The following C5orf63 variants were observed in gnomAD, a reference collection of about 807,000 sequenced individuals.
C5orf63 encodes chromosome 5 open reading frame 63.
C5orf63 carries 18 observed loss-of-function variants against 13.3 expected under a neutral mutation model. The ratio of observed to expected loss-of-function variants is 1.36; its 90% CI spans 0.94 to 2.01. The LOEUF (loss-of-function observed/expected upper bound fraction) is 2.01. Among genes scored for constraint, C5orf63 ranks in the 30% most tolerant of loss-of-function variants. The pLI is 0.00. For missense variants in C5orf63, 118 were observed against 127.7 expected (o/e 0.92, Z 0.36); for synonymous variants, 38 against 44.7 (o/e 0.85, Z 0.60).
At chr5:127,060,029 T>G (rs1476206825) in intron 2 of C5orf63, among the ~76,000 whole-genome samples, 1 of 151,938 alleles carries the variant, frequency 6.6e-6, no homozygotes, top group Non-Finnish European at 1.5e-5. Context: ...TCCCAGCTAC[T>G]CGGGAGGCTG....
chr5:127,049,606 C>G (rs1753607997), downstream of C5orf63, among the ~76,000 whole-genome samples: 1 of 152,180 alleles, frequency 6.6e-6, no homozygotes, highest in African/African-American at 2.4e-5. Context: ...AAGACAAGGA[C>G]TATGATTTAT....
chr5:127,051,451 A>C lies in C5orf63; in HGVS notation c.*320T>G. The C allele has an allele frequency of 8.1e-7, 1 of 1,233,018 alleles. No individual in the cohort carries two copies. The highest frequency in any genetic ancestry group is 1.0e-6 in the Non-Finnish European group (1 of 988,706). The allele number at this position is 1,233,018 out of a possible 1,614,324, so 76.4% of individuals were successfully genotyped here. On this transcript the variant is annotated 3_prime_UTR_variant, in exon 5 of 5. Coordinates refer to ENST00000296662, the MANE Select transcript of C5orf63 (RefSeq NM_001164478.2). ...CAGGAATGCAGAACCTTCTTCCTAT[A>C]AATGGCATTGCCCAGTGACTGTGAA...
chr5:127,046,017 A>C (rs1753513583), exon 5 of C5orf63: 1 of 152,188 alleles, frequency 6.6e-6, no homozygotes, highest in African/African-American at 2.4e-5. Flanking sequence ...AGTATTCTCC[A>C]TGGTTTGGGA....
downstream of C5orf63, among the ~76,000 whole-genome samples, chr5:127,048,176 A>T (rs564745848): frequency 1.3e-5 from 2 of 150,804 alleles, no homozygotes; most frequent in Admixed American, 6.6e-5. Flanking sequence ...TCCCCTTCTG[A>T]GGCCTGCCTG....
intron 3 of C5orf63, among the ~76,000 whole-genome samples, chr5:127,054,441 G>T (rs969652029): frequency 1.2e-4 from 18 of 152,300 alleles, no homozygotes; most frequent in Admixed American, 9.1e-4. Flanking sequence ...ACTGGTGTGA[G>T]ATGGTATCTC....
chr5:127,067,033 T>C (rs372385871), intron 2 of C5orf63, among the ~76,000 whole-genome samples: 1 of 152,196 alleles, frequency 6.6e-6, no homozygotes, highest in African/African-American at 2.4e-5. Flanking sequence ...ATGCATCTAA[T>C]GTTGCTTCAA....
intron 2 of C5orf63, 135 bp from the exon 3 acceptor site, chr5:127,059,137 A>C (rs1292265235): frequency 1.1e-5 from 7 of 641,572 alleles, no homozygotes; most frequent in Non-Finnish European, 1.9e-5. Context: ...AGTGTTGGAA[A>C]GACCTATAAA....
At chr5:127,059,321 G>A (rs1032249021) in intron 2 of C5orf63, among the ~76,000 whole-genome samples, 8 of 152,174 alleles carry the variant, frequency 5.3e-5, no homozygotes, top group Admixed American at 2.6e-4. Context: ...AGATTTTGCC[G>A]GCATCTTGAT....
intron 2 of C5orf63, among the ~76,000 whole-genome samples, chr5:127,069,651 A>G (rs1030040965): frequency 6.6e-6 from 1 of 152,232 alleles, no homozygotes; most frequent in Non-Finnish European, 1.5e-5. Context: ...TGATAACAGT[A>G]AGACCCAGGC....
intron 2 of C5orf63, among the ~76,000 whole-genome samples, chr5:127,067,323 T>C (rs534662988): frequency 6.6e-6 from 1 of 152,352 alleles, no homozygotes; most frequent in East Asian, 1.9e-4. Context: ...ATGATTCTAT[T>C]GACTGAAATG....
chr5:127,070,328 G>A (rs901633075), intron 2 of C5orf63, among the ~76,000 whole-genome samples: 1 of 152,042 alleles, frequency 6.6e-6, no homozygotes, highest in Non-Finnish European at 1.5e-5. Context: ...ATAATTCAAC[G>A]TCATGTCCTT....
chr5:127,049,086 G>A (rs1431329569), downstream of C5orf63, among the ~76,000 whole-genome samples: 1 of 152,134 alleles, frequency 6.6e-6, no homozygotes, highest in Non-Finnish European at 1.5e-5. Context: ...AGGGACTGTT[G>A]AGCTCAGCAT....
intron 2 of C5orf63, among the ~76,000 whole-genome samples, chr5:127,066,419 C>T (rs750955141): frequency 6.6e-5 from 10 of 151,872 alleles, no homozygotes; most frequent in Admixed American, 3.3e-4. Context: ...TTGGATGAGA[C>T]GGGATGGTAT....
chr5:127,068,503 C>A (rs1056459135), intron 2 of C5orf63, among the ~76,000 whole-genome samples: 1 of 152,154 alleles, frequency 6.6e-6, no homozygotes, highest in Non-Finnish European at 1.5e-5. Flanking sequence ...CAAGATGGAA[C>A]TCTCCCTACA....
intron 1 of C5orf63, 177 bp downstream of exon 1, chr5:127,073,274 G>C (rs1158911279): frequency 6.6e-6 from 1 of 151,876 alleles, no homozygotes; most frequent in Non-Finnish European, 1.5e-5. Context: ...ACACACACGC[G>C]TTTATAATCT....
intron 2 of C5orf63, among the ~76,000 whole-genome samples, chr5:127,069,316 T>C (rs765611450): frequency 3.2e-4 from 48 of 152,234 alleles, no homozygotes; most frequent in Non-Finnish European, 6.5e-4. Context: ...ATATCTCTTA[T>C]ACTTAATACT....
chr5:127,050,311 C>T (rs1268383959), downstream of C5orf63, among the ~76,000 whole-genome samples: 1 of 152,084 alleles, frequency 6.6e-6, no homozygotes, highest in Non-Finnish European at 1.5e-5. Context: ...ATGATAAACA[C>T]TGCTATTCAA....
chr5:127,065,356 T>C (rs1367322117), intron 2 of C5orf63, among the ~76,000 whole-genome samples: 1 of 152,168 alleles, frequency 6.6e-6, no homozygotes, highest in Non-Finnish European at 1.5e-5. Flanking sequence ...GCCATATAAT[T>C]CAAATGTTAT....
intron 2 of C5orf63, among the ~76,000 whole-genome samples, chr5:127,070,719 A>C (rs1401661403): frequency 6.6e-6 from 1 of 152,218 alleles, no homozygotes; most frequent in African/African-American, 2.4e-5. Flanking sequence ...ACTTTCAAAC[A>C]GATACTCTTC....
Sources: gnomAD v4.1 joint callset for allele counts (sites outside exome capture counted in the v4.1 genomes callset) on GRCh38, gnomAD v4.1.1 for gene constraint, MANE v1.5 for transcripts, NCBI Gene and HGNC (gene_info 2026-07-23, HGNC 2026-07-21) for gene names.